GRID2: variants seen among roughly 807,000 people sequenced by gnomAD.
GRID2 encodes the protein glutamate receptor ionotropic, delta-2.
GRID2 carries 33 observed loss-of-function variants against 114.8 expected under a neutral mutation model. The observed-to-expected ratio is 0.29, with a 90% CI of 0.22 to 0.38. The LOEUF (loss-of-function observed/expected upper bound fraction) is 0.38. Ranked by LOEUF, GRID2 falls within the 10% of genes least tolerant of loss-of-function variation. The probability of loss-of-function intolerance (pLI) is 1.00; values close to 1 mark genes in which losing one functional copy is unlikely to be tolerated. For synonymous variants in GRID2, 505 were observed against 449.9 expected, an observed-to-expected ratio of 1.12 and a Z score of -1.55; for missense variants, 1,184 against 1,257.7, an observed-to-expected ratio of 0.94 and a Z score of 0.89.
intron 10 of GRID2, among the ~76,000 whole-genome samples, chr4:93,426,487 C>A (rs146364049): frequency 0.01 from 1,555 of 152,166 alleles, 13 homozygotes; most frequent in Middle Eastern, 0.037. Flanking sequence ...TTGCTAGATG[C>A]AAATTAAACA....
chr4:93,254,693 G>T (rs1749370594), intron 8 of GRID2, among the ~76,000 whole-genome samples: 1 of 152,100 alleles, frequency 6.6e-6, no homozygotes, highest in Non-Finnish European at 1.5e-5. Flanking sequence ...GCTGTAATAT[G>T]ATTTGAATAA....
At chr4:93,514,262 A>T (rs1729474401) in intron 12 of GRID2, among the ~76,000 whole-genome samples, 1 of 152,114 alleles carries the variant, frequency 6.6e-6, no homozygotes, top group Admixed American at 6.6e-5. Flanking sequence ...GAAATCGACC[A>T]CCAATTTAGA....
chr4:93,524,525 A>C (rs894695061), intron 13 of GRID2, among the ~76,000 whole-genome samples: 1 of 152,002 alleles, frequency 6.6e-6, no homozygotes, highest in African/African-American at 2.4e-5. Context: ...ATTATTATTA[A>C]GACTTATTTT....
At chr4:93,410,902 C>T (rs1323498880) in intron 9 of GRID2, among the ~76,000 whole-genome samples, 1 of 152,110 alleles carries the variant, frequency 6.6e-6, no homozygotes, top group Non-Finnish European at 1.5e-5. Flanking sequence ...CTTTTACCTC[C>T]TTCATTGGAT....
chr4:92,331,991 C>T (rs1726915623), intron 1 of GRID2, among the ~76,000 whole-genome samples: 1 of 152,126 alleles, frequency 6.6e-6, no homozygotes, highest in African/African-American at 2.4e-5. Context: ...ATTCTCTTGT[C>T]AGTGGTAGTT....
At chr4:93,108,846 G>C (rs940467013) in intron 3 of GRID2, among the ~76,000 whole-genome samples, 2 of 152,022 alleles carry the variant, frequency 1.3e-5, no homozygotes, top group African/African-American at 2.4e-5. Context: ...GGCCAGGCTG[G>C]TCTCAAGCTC....
chr4:92,833,159 A>G (rs1204100715), intron 2 of GRID2, among the ~76,000 whole-genome samples: 3 of 152,200 alleles, frequency 2.0e-5, no homozygotes, highest in African/African-American at 7.2e-5. Context: ...ATAGCTCTTA[A>G]TGATTGAGTT....
At chr4:93,408,131 A>G (rs1437512685) in intron 9 of GRID2, among the ~76,000 whole-genome samples, 1 of 152,192 alleles carries the variant, frequency 6.6e-6, no homozygotes, top group Non-Finnish European at 1.5e-5. Context: ...GCTGATTAGC[A>G]TTTGAAAGCA....
intron 9 of GRID2, among the ~76,000 whole-genome samples, 156 bp downstream of exon 9, chr4:93,395,864 A>T (rs1345422199): frequency 6.6e-6 from 1 of 151,992 alleles, no homozygotes; most frequent in Non-Finnish European, 1.5e-5. Flanking sequence ...CACAGCCTTC[A>T]ATTTACGTGG....
chr4:93,455,589 G>A (rs1723106447), intron 10 of GRID2, 73 bp from the exon 11 acceptor site: 1 of 989,156 alleles, frequency 1.0e-6, no homozygotes, highest in Non-Finnish European at 1.6e-6. Flanking sequence ...TTTTCCTCGA[G>A]GCAAGCTGAA....
At chr4:93,070,850 A>T (rs1438410797) in intron 2 of GRID2, among the ~76,000 whole-genome samples, 1 of 152,120 alleles carries the variant, frequency 6.6e-6, no homozygotes, top group Non-Finnish European at 1.5e-5. Flanking sequence ...TACTTGATAT[A>T]TCACTACTAT....
chr4:93,345,449 T>A (rs2149252751), intron 8 of GRID2, among the ~76,000 whole-genome samples: 1 of 152,254 alleles, frequency 6.6e-6, no homozygotes, highest in Admixed American at 6.6e-5. Flanking sequence ...TGTCATCTTC[T>A]GAGAAATGTA....
intron 1 of GRID2, among the ~76,000 whole-genome samples, chr4:92,576,006 C>T (rs567882878): frequency 5.3e-5 from 8 of 152,212 alleles, no homozygotes; most frequent in South Asian, 2.1e-4. Flanking sequence ...GCTAAGGAAC[C>T]GCCTCTGCCC....
At chr4:93,250,930 T>C (rs1297151230) in intron 8 of GRID2, among the ~76,000 whole-genome samples, 1 of 151,708 alleles carries the variant, frequency 6.6e-6, no homozygotes, top group Admixed American at 6.6e-5. Context: ...ATAGTCCTGG[T>C]TTTTGAGGGG....
At chr4:92,642,032 T>C (rs1029344108) in intron 2 of GRID2, among the ~76,000 whole-genome samples, 5 of 151,516 alleles carry the variant, frequency 3.3e-5, no homozygotes, top group Admixed American at 1.3e-4. Context: ...CAATCTACCA[T>C]TGATAGGCGC....
intron 2 of GRID2, among the ~76,000 whole-genome samples, chr4:93,037,621 G>A (rs1486686214): frequency 1.3e-5 from 2 of 152,176 alleles, no homozygotes; most frequent in African/African-American, 4.8e-5. Context: ...TTTGTATAAA[G>A]TGTAATGAAG....
At chr4:92,948,078 A>G (rs983898867) in intron 2 of GRID2, among the ~76,000 whole-genome samples, 1 of 152,024 alleles carries the variant, frequency 6.6e-6, no homozygotes, top group Non-Finnish European at 1.5e-5. Flanking sequence ...GTTAAAGTGT[A>G]TAAATATATT....
At chr4:93,124,417 A>G (rs1333072524) in intron 4 of GRID2, among the ~76,000 whole-genome samples, 2 of 152,210 alleles carry the variant, frequency 1.3e-5, no homozygotes, top group Admixed American at 1.3e-4. Context: ...GCTGATTTCT[A>G]TTTAATTTGC....
At chr4:92,806,685 G>C (rs1264023782) in intron 2 of GRID2, among the ~76,000 whole-genome samples, 1 of 151,792 alleles carries the variant, frequency 6.6e-6, no homozygotes, top group East Asian at 1.9e-4. Context: ...ACATTTCATA[G>C]TTTGAAAAAA....
Sources: gnomAD v4.1 joint callset for allele counts (sites outside exome capture counted in the v4.1 genomes callset) on GRCh38, gnomAD v4.1.1 for gene constraint, MANE v1.5 for transcripts, NCBI Gene and HGNC (gene_info 2026-07-23, HGNC 2026-07-21) for gene names.